The following GALNTL5 variants were observed in gnomAD, a reference collection of about 807,000 sequenced individuals.
GALNTL5 encodes inactive polypeptide N-acetylgalactosaminyltransferase-like protein 5.
GALNTL5 carries 44 observed loss-of-function variants against 51.0 expected under a neutral mutation model. The ratio of observed to expected loss-of-function variants is 0.86; its 90% CI spans 0.68 to 1.11. The LOEUF is 1.11. Among genes scored for constraint, GALNTL5 ranks in the 50% least tolerant of loss-of-function variants. The pLI is 0.00. For missense variants in GALNTL5, 528 were observed against 531.8 expected (o/e 0.99, Z 0.07); for synonymous variants, 192 against 182.8 (o/e 1.05, Z -0.41).
In GALNTL5 at chr7:151,971,718, G is replaced by C. The variant is rs576720553; in HGVS notation, c.368+653G>C. Among the ~76,000 whole-genome samples the C allele has an allele frequency of 3.3e-5, 5 of 152,268 alleles. No homozygotes were observed. In the East Asian group the frequency reaches 9.7e-4, roughly 29 times the overall value. ...CAGGTGTCAAGGGAGGGACCTGGTG[G>C]AAGGTGATTGGATCATGGGGGTGGT... On this transcript the variant is annotated intron_variant, in intron 3 of 8. Coordinates refer to ENST00000392800, the MANE Select transcript of GALNTL5 (RefSeq NM_145292.4).
Position 152,002,696 on chromosome 7 carries a change from C to CT in GALNTL5, c.659-17dup. 1.2e-6 allele frequency: 2 copies of CT among 1,613,020 alleles called. No individual in the cohort carries two copies. The highest frequency in any genetic ancestry group is 2.2e-5 in the South Asian group (2 of 90,994). On this transcript the variant is annotated splice_polypyrimidine_tract_variant and intron_variant, in intron 5 of 8. Coordinates refer to ENST00000392800, the MANE Select transcript of GALNTL5 (RefSeq NM_145292.4). ...TTCAGCTATGTGGACTAACATTGCC[C>CT]TGTTCTTGCCTCCCCAGGGGATGTT...
intron 8 of GALNTL5, among the ~76,000 whole-genome samples, chr7:152,017,843 C>CTTTT (rs563250834): frequency 1.4e-5 from 2 of 147,166 alleles, no homozygotes; most frequent in African/African-American, 5.0e-5. Flanking sequence ...AATGAGAATT[C>CTTTT]TTTTTTTTTT....
chr7:151,971,886 A>G (rs1332472365), intron 3 of GALNTL5, among the ~76,000 whole-genome samples: 1 of 152,154 alleles, frequency 6.6e-6, no homozygotes, highest in Non-Finnish European at 1.5e-5. Flanking sequence ...ACCTTCTACC[A>G]TGATTGTCAG....
chr7:152,012,162 T>C (rs1404622294), intron 7 of GALNTL5, among the ~76,000 whole-genome samples: 2 of 152,176 alleles, frequency 1.3e-5, no homozygotes, highest in Non-Finnish European at 2.9e-5. Flanking sequence ...CACGATCCAT[T>C]GGCCAAATGT....
intron 1 of GALNTL5, among the ~76,000 whole-genome samples, chr7:151,964,669 C>G (rs1476028458): frequency 6.6e-6 from 1 of 152,136 alleles, no homozygotes; most frequent in African/African-American, 2.4e-5. Context: ...TCATCAGTGT[C>G]GTGAAAACAG....
At chr7:151,975,218 A>G (rs2081191866) in intron 3 of GALNTL5, among the ~76,000 whole-genome samples, 2 of 152,012 alleles carry the variant, frequency 1.3e-5, no homozygotes, top group African/African-American at 2.4e-5. Flanking sequence ...CTTTGGTGAG[A>G]GATTTTTATT....
intron 5 of GALNTL5, among the ~76,000 whole-genome samples, chr7:151,999,040 T>C (rs1487722046): frequency 6.6e-6 from 1 of 152,240 alleles, no homozygotes; most frequent in Non-Finnish European, 1.5e-5. Context: ...TTTTAGCCAT[T>C]AAGCAGCTTC....
chr7:152,000,183 T>C lies in GALNTL5; in HGVS notation c.659-2531T>C, dbSNP rs538524251. On this transcript the variant is annotated intron_variant, in intron 5 of 8. Transcript: ENST00000392800. ...GGACACTTGCTTTTAGATTAGTAGC[T>C]GTATTTATGGCAGAGTTTGCTTTGG... Among the ~76,000 whole-genome samples the C allele has an allele frequency of 1.2e-4, 19 of 152,346 alleles. No homozygotes were observed. The South Asian group carries it at 3.7e-3, about 30-fold the overall frequency.
chr7:151,996,508 G>A (rs1200760804), intron 5 of GALNTL5, among the ~76,000 whole-genome samples: 2 of 152,236 alleles, frequency 1.3e-5, no homozygotes, highest in Non-Finnish European at 2.9e-5. Context: ...GGGAGGCTGA[G>A]GCGGGAGGAT....
chr7:151,992,982 A>T (rs1399992995), intron 5 of GALNTL5, among the ~76,000 whole-genome samples: 1 of 152,150 alleles, frequency 6.6e-6, no homozygotes, highest in East Asian at 1.9e-4. Context: ...TCATGCCTAG[A>T]ATCCCCGCAC....
chr7:151,971,647 G>T (rs2081144464), intron 3 of GALNTL5, among the ~76,000 whole-genome samples: 1 of 152,098 alleles, frequency 6.6e-6, no homozygotes, highest in Admixed American at 6.6e-5. Flanking sequence ...ACCTGATATG[G>T]TTTGGCTCTA....
chr7:151,983,627 C>T (rs1052814005), intron 4 of GALNTL5, among the ~76,000 whole-genome samples: 9 of 152,090 alleles, frequency 5.9e-5, no homozygotes, highest in Non-Finnish European at 1.0e-4. Flanking sequence ...TACTTGGGCC[C>T]ATGGCAGAGG....
intron 1 of GALNTL5, among the ~76,000 whole-genome samples, chr7:151,958,823 A>G (rs907709067): frequency 2.6e-5 from 4 of 152,116 alleles, no homozygotes; most frequent in African/African-American, 4.8e-5. Context: ...CAAGGCAGAG[A>G]AGGGTTTTAT....
At chr7:151,984,719 C>G (rs1338405171) in intron 4 of GALNTL5, among the ~76,000 whole-genome samples, 1 of 152,180 alleles carries the variant, frequency 6.6e-6, no homozygotes, top group Admixed American at 6.5e-5. Context: ...GCTCAAAAGA[C>G]TGAGCAGCAT....
At chr7:152,014,448 A>G (rs1167815537) in intron 7 of GALNTL5, among the ~76,000 whole-genome samples, 196 bp from the exon 8 acceptor site, 1 of 152,140 alleles carries the variant, frequency 6.6e-6, no homozygotes, top group African/African-American at 2.4e-5. Context: ...TTGTATTTTT[A>G]GTAGAGAGAG....
chr7:152,003,410 T>A (rs1204552230), intron 6 of GALNTL5, among the ~76,000 whole-genome samples: 1 of 152,238 alleles, frequency 6.6e-6, no homozygotes, highest in Non-Finnish European at 1.5e-5. Context: ...ATGGCATGTC[T>A]GGAATTGTAC....
chr7:151,983,183 TTTG>T (rs147547437), intron 4 of GALNTL5, 31 bp downstream of exon 4: 200,343 of 1,545,600 alleles, frequency 0.13, 14,609 homozygotes, highest in South Asian at 0.23. Flanking sequence ...TCTCATCTAC[TTTG>T]TTGTTGTTGT....
chr7:151,983,030 T>G lies in GALNTL5; in HGVS notation c.413T>G (p.Ile138Ser). The G allele has an allele frequency of 4.3e-6, 7 of 1,614,204 alleles. No individual in the cohort carries two copies. Among genetic ancestry groups the G allele is most frequent in the Non-Finnish European group, 5.9e-6 (7 of 1,180,016 alleles). Residue 138 changes from isoleucine (I) to serine (S), a missense_variant, in exon 4 of 9, where the codon ATT becomes AGT. Ile to Ser is a moderately radical substitution (Grantham distance 142). Coordinates refer to ENST00000392800, the MANE Select transcript of GALNTL5 (RefSeq NM_145292.4). Reference protein sequence around the residue: ...HYPARLPTASIVICFYNEECN... With the variant: ...HYPARLPTASSVICFYNEECN... ...CCAGCCCGCCTCCCGACTGCCAGCA[T>G]TGTCATTTGCTTCTATAATGAAGAA...
At chr7:151,971,091 T>G in intron 3 of GALNTL5, 26 bp downstream of exon 3, 5 of 1,405,588 alleles carry the variant, frequency 3.6e-6, no homozygotes, top group Non-Finnish European at 4.9e-6. Context: ...CTTTCTCTCA[T>G]TCTCTAGATA....
Sources: gnomAD v4.1 joint callset for allele counts (sites outside exome capture counted in the v4.1 genomes callset) on GRCh38, gnomAD v4.1.1 for gene constraint, MANE v1.5 for transcripts, NCBI Gene and HGNC (gene_info 2026-07-23, HGNC 2026-07-21) for gene names.